Variants in ING3 observed in about 807,000 individuals in gnomAD.
ING3 encodes the protein inhibitor of growth protein 3.
ING3 carries 6 observed loss-of-function variants against 64.8 expected under a neutral mutation model. The ratio of observed to expected loss-of-function variants is 0.09; its 90% CI spans 0.05 to 0.18. The LOEUF (loss-of-function observed/expected upper bound fraction) is 0.18. Ranked by LOEUF, ING3 falls within the 10% of genes least tolerant of loss-of-function variation. The pLI is 1.00. For missense variants in ING3, 310 were observed against 489.7 expected, an observed-to-expected ratio of 0.63 and a Z score of 3.46; for synonymous variants, 170 against 173.7, an observed-to-expected ratio of 0.98 and a Z score of 0.17.
At chr7:120,953,262 G>A in intron 2 of ING3, 42 bp from the exon 3 acceptor site, 1 of 1,169,854 alleles carries the variant, frequency 8.5e-7, no homozygotes, top group Non-Finnish European at 1.2e-6. Flanking sequence ...TTTAGTATAT[G>A]AATTTGGTCA....
intron 4 of ING3, among the ~76,000 whole-genome samples, chr7:120,957,417 G>A (rs1795866343): frequency 6.6e-6 from 1 of 151,248 alleles, no homozygotes; most frequent in Admixed American, 6.6e-5. Flanking sequence ...TTGTCCTCAA[G>A]GTGTCTGTAA....
Position 120,964,726 on chromosome 7 carries a change from A to T in ING3, c.268-16A>T, listed in dbSNP as rs1246646030. 1.2e-6 allele frequency: 2 copies of T among 1,609,230 alleles called. No homozygotes were observed. Among genetic ancestry groups the T allele is most frequent in the Non-Finnish European group, 1.7e-6 (2 of 1,175,862 alleles). On this transcript the variant is annotated splice_polypyrimidine_tract_variant and intron_variant, in intron 4 of 11. Transcript: ENST00000315870. The stretch of plus-strand genomic sequence containing the variant: ...TCCCAAATTTTGGTGGTTATCTTTG[A>T]TCTTCTTTGAAACAGGTAGATCGAC...
At chr7:120,967,001 G>A (rs1194978155) in intron 6 of ING3, among the ~76,000 whole-genome samples, 4 of 152,160 alleles carry the variant, frequency 2.6e-5, no homozygotes, top group Admixed American at 6.5e-5. Flanking sequence ...TCCTTAGGGA[G>A]CTTTTCAACT....
intron 6 of ING3, 112 bp downstream of exon 6, chr7:120,966,809 T>C: frequency 1.3e-6 from 1 of 771,546 alleles, no homozygotes; most frequent in Non-Finnish European, 2.2e-6. Context: ...AAATCCCTTC[T>C]TTTTTTTTCA....
intron 4 of ING3, among the ~76,000 whole-genome samples, chr7:120,960,994 T>C (rs567158069): frequency 6.4e-4 from 98 of 152,304 alleles, no homozygotes; most frequent in African/African-American, 2.3e-3. Flanking sequence ...ACCCTTGAAC[T>C]TGCTTCTTTT....
chr7:120,957,087 C>G (rs1338669328), intron 4 of ING3: 1 of 170,804 alleles, frequency 5.9e-6, no homozygotes, highest in Non-Finnish European at 1.2e-5. Context: ...AAAGTAAATA[C>G]TAGGCCGGGC....
intron 6 of ING3, 111 bp downstream of exon 6, chr7:120,966,808 C>CA: frequency 1.3e-6 from 1 of 787,102 alleles, no homozygotes; most frequent in Non-Finnish European, 2.2e-6. Context: ...TAAATCCCTT[C>CA]TTTTTTTTTC....
At chr7:120,956,779 T>A in intron 4 of ING3, 4 of 977,644 alleles carry the variant, frequency 4.1e-6, no homozygotes, top group Non-Finnish European at 4.9e-6. Context: ...ACTAATTTGT[T>A]TAGTAACATT....
chr7:120,953,237 A>C, intron 2 of ING3, 67 bp from the exon 3 acceptor site: 2 of 930,212 alleles, frequency 2.2e-6, no homozygotes, highest in Non-Finnish European at 3.3e-6. Flanking sequence ...CCCTCCCTAA[A>C]TCAAACCATG....
chr7:120,954,223 C>T (rs898228151), intron 3 of ING3, among the ~76,000 whole-genome samples: 6 of 152,010 alleles, frequency 3.9e-5, no homozygotes, highest in East Asian at 1.9e-4. Flanking sequence ...GTCAGGAGTT[C>T]GAGACCAGCC....
chr7:120,953,449 C>T, intron 3 of ING3, 45 bp downstream of exon 3: 1 of 1,156,678 alleles, frequency 8.6e-7, no homozygotes, highest in Non-Finnish European at 1.3e-6. Context: ...TATTGGGACC[C>T]TCTGAAAAAG....
intron 3 of ING3, among the ~76,000 whole-genome samples, chr7:120,953,630 G>A (rs1795801095): frequency 6.6e-6 from 1 of 152,196 alleles, no homozygotes; most frequent in African/African-American, 2.4e-5. Context: ...GTATTAGAAA[G>A]TGACAGACCA....
chr7:120,951,436 A>G (rs1247842651), intron 2 of ING3, among the ~76,000 whole-genome samples: 1 of 152,190 alleles, frequency 6.6e-6, no homozygotes, highest in Non-Finnish European at 1.5e-5. Flanking sequence ...CTTTTGCAAG[A>G]GCAGGAGGCA....
rs989107358 is a variant in ING3 at position 120,969,184 on chromosome 7, A to T, written c.888A>T (p.Ser296=). The change falls in exon 9 of 12, where the codon TCA becomes TCT. Residue 296 remains serine, a synonymous_variant. Transcript: ENST00000315870. ...ATGCCAGTTCATCAGCAGCCGACTC[A>T]CGGAGTGGTCGAAAGAGCAAGTAAG... The part of the protein sequence containing the change: ...TQNASSSAAD[S]RSGRKSKNNN... 1.2e-6 allele frequency: 2 copies of T among 1,613,580 alleles called. No individual in the cohort carries two copies. The highest frequency in any genetic ancestry group is 1.7e-6 in the Non-Finnish European group (2 of 1,179,750).
chr7:120,955,888 C>A, intron 4 of ING3: 1 of 565,354 alleles, frequency 1.8e-6, no homozygotes. Flanking sequence ...ATTTTTTAAA[C>A]AAGAATTAAT....
In ING3 at chr7:120,970,623, T is replaced by C. The variant is rs552358044; in HGVS notation, c.909-65T>C. 1.0e-5 allele frequency: 15 copies of C among 1,491,274 alleles called. No homozygotes were observed. The African/African-American group carries it at 1.7e-4, about 17-fold the overall frequency. The allele number at this position is 1,491,274 out of a possible 1,614,324, so 92.4% of individuals were successfully genotyped here. On this transcript the variant is annotated intron_variant, in intron 9 of 11. Coordinates refer to ENST00000315870, the MANE Select transcript of ING3 (RefSeq NM_019071.3). Reference sequence around the variant, plus strand: ...ATGTCATTTCATTTTATACTATTTATTTAGGAGTTATTCTCAGTTAACTTC... The same window carrying C: ...ATGTCATTTCATTTTATACTATTTACTTAGGAGTTATTCTCAGTTAACTTC...
rs397889009 is a variant in ING3 at position 120,959,630 on chromosome 7, A to ATTTTTTT, written c.267+4033_267+4039dup. On this transcript the variant is annotated intron_variant, in intron 4 of 11. Transcript: ENST00000315870. The stretch of plus-strand genomic sequence containing the variant: ...CCTATACTCCTTGTCACTTCCTCAC[A>ATTTTTTT]TTTTTTTTTTTTTTTTTTTTTTTTT... 8.1e-4 allele frequency among the ~76,000 whole-genome samples: 45 copies of ATTTTTTT among 55,716 alleles called. 1 individual carries two copies. Among genetic ancestry groups the ATTTTTTT allele is most frequent in the Non-Finnish European group, 9.5e-4 (29 of 30,462 alleles). 36.6% of individuals were successfully genotyped at this position (55,716 alleles called of 152,430 possible).
intron 3 of ING3, among the ~76,000 whole-genome samples, chr7:120,955,281 A>T (rs1795829218): frequency 1.3e-5 from 2 of 152,060 alleles, no homozygotes; most frequent in Non-Finnish European, 2.9e-5. Flanking sequence ...GGCGCCCACT[A>T]CCATGCCCGG....
Position 120,966,646 on chromosome 7 carries a change from C to A in ING3, c.385C>A (p.Pro129Thr). The A allele has an allele frequency of 6.2e-7, 1 of 1,613,318 alleles. No homozygotes were observed. The highest frequency in any genetic ancestry group is 8.5e-7 in the Non-Finnish European group (1 of 1,179,262). The change falls in exon 6 of 12, where the codon CCT becomes ACT. Residue 129 changes from proline (P) to threonine (T), a missense_variant. Pro to Thr is a conservative substitution (Grantham distance 38, BLOSUM62 -1). Coordinates refer to ENST00000315870, the MANE Select transcript of ING3 (RefSeq NM_019071.3). ...LERRSLELDT[P>T]SQPVNNHHAH... ...TTTAGGATCTTTGGAATTAGACACT[C>A]CTTCACAGCCAGTGAACAATCACCA... is the stretch of plus-strand genomic sequence containing the variant.
Sources: gnomAD v4.1 joint callset for allele counts (sites outside exome capture counted in the v4.1 genomes callset) on GRCh38, gnomAD v4.1.1 for gene constraint, MANE v1.5 for transcripts, NCBI Gene and HGNC (gene_info 2026-07-23, HGNC 2026-07-21) for gene names.